The following SLC1A4 variants were observed in gnomAD, a reference collection of about 807,000 sequenced individuals.
SLC1A4 encodes neutral amino acid transporter A.
A neutral mutation model predicts 37.7 loss-of-function variants in SLC1A4; 19 were observed. That is an observed-to-expected ratio of 0.50 (90% confidence interval 0.35 to 0.74). SLC1A4 has a LOEUF of 0.74. Among genes scored for constraint, SLC1A4 ranks in the 30% least tolerant of loss-of-function variants. The pLI is 0.01. For synonymous variants in SLC1A4, 299 were observed against 309.8 expected (o/e 0.97, Z 0.37); for missense variants, 570 against 712.9 (o/e 0.80, Z 2.28).
intron 3 of SLC1A4, among the ~76,000 whole-genome samples, chr2:65,007,158 T>TA (rs1413377249): frequency 2.6e-5 from 4 of 152,206 alleles, no homozygotes; most frequent in Non-Finnish European, 5.9e-5. Flanking sequence ...GCCCTGCTCT[T>TA]ACAAAGCTCA....
At chr2:64,990,616 A>G (rs1293790499) in intron 1 of SLC1A4, among the ~76,000 whole-genome samples, 1 of 152,174 alleles carries the variant, frequency 6.6e-6, no homozygotes, top group Non-Finnish European at 1.5e-5. Context: ...CCGGCTTGCA[A>G]TCTATGGCCT....
At chr2:64,994,366 C>G (rs1044160499) in intron 1 of SLC1A4, among the ~76,000 whole-genome samples, 7 of 152,160 alleles carry the variant, frequency 4.6e-5, no homozygotes, top group Non-Finnish European at 7.4e-5. Flanking sequence ...AATGGAGAAC[C>G]AAGGTGTAAC....
At chr2:65,020,720 T>C (rs971536013) in intron 7 of SLC1A4, among the ~76,000 whole-genome samples, 192 bp from the exon 8 acceptor site, 17 of 152,236 alleles carry the variant, frequency 1.1e-4, no homozygotes, top group African/African-American at 4.1e-4. Context: ...TTTTTTATTC[T>C]TTCTATAAAA....
At chr2:65,008,915 C>G (rs1217718586) in intron 3 of SLC1A4, among the ~76,000 whole-genome samples, 1 of 152,224 alleles carries the variant, frequency 6.6e-6, no homozygotes. Flanking sequence ...CGTTAAGTAA[C>G]TTACCTAGAC....
Position 64,989,486 on chromosome 2 carries a change from T to C in SLC1A4, c.-158T>C. The C allele has an allele frequency of 1.7e-6, 1 of 575,032 alleles. No homozygotes were observed. Among genetic ancestry groups the C allele is most frequent in the Non-Finnish European group, 2.7e-6 (1 of 375,606 alleles). 35.6% of individuals were successfully genotyped at this position (575,032 alleles called of 1,614,324 possible). On this transcript the variant is annotated 5_prime_UTR_variant, in exon 1 of 8. Coordinates refer to ENST00000234256, the MANE Select transcript of SLC1A4 (RefSeq NM_003038.5). ...CCGCACTCTGCGCCTCTCCTCGCCT[T>C]TCTCGCACCTGCTCCTGCGCCAGGC...
chr2:65,005,986 G>A (rs984876506), intron 3 of SLC1A4, among the ~76,000 whole-genome samples: 1 of 152,148 alleles, frequency 6.6e-6, no homozygotes. Flanking sequence ...CTGGGCAACA[G>A]AGCAAAATTA....
At chr2:64,990,284 C>A in intron 1 of SLC1A4, 114 bp downstream of exon 1, 1 of 1,067,188 alleles carries the variant, frequency 9.4e-7, no homozygotes, top group Non-Finnish European at 1.3e-6. Flanking sequence ...TAGCTGGCTG[C>A]TGGTGGCGTT....
At position 65,018,893 on chromosome 2, in the gene SLC1A4, A is replaced by C. The variant is rs1674297169; in HGVS notation, c.1364+214A>C. Reference sequence around the variant, plus strand: ...CCAAACATCCAGGAATGACCATGAGATGTCATTACCAAGAACTTGCTTATA... The same window carrying C: ...CCAAACATCCAGGAATGACCATGAGCTGTCATTACCAAGAACTTGCTTATA... On this transcript the variant is annotated intron_variant, in intron 7 of 7. Transcript: ENST00000234256. This position sits in a 1 kb window ranked among gnomAD's most constrained non-coding sequence, Gnocchi z 4.3. Among the ~76,000 whole-genome samples the C allele has an allele frequency of 6.6e-6, 1 of 152,248 alleles. No individual in the cohort carries two copies. Among genetic ancestry groups the C allele is most frequent in the African/African-American group, 2.4e-5 (1 of 41,464 alleles).
intron 3 of SLC1A4, among the ~76,000 whole-genome samples, chr2:65,008,338 G>C (rs1473183142): frequency 6.6e-6 from 1 of 152,214 alleles, no homozygotes; most frequent in Non-Finnish European, 1.5e-5. Context: ...GGAGAGAGTA[G>C]TGACAGTCAG....
chr2:64,988,880 G>GA (rs1279971860), upstream of SLC1A4, among the ~76,000 whole-genome samples: 4 of 36 alleles, frequency 0.11, no homozygotes, highest in South Asian at 0.5. Context: ...CGGGCCGCGC[G>GA]GGGCGAAAGC....
intron 1 of SLC1A4, among the ~76,000 whole-genome samples, chr2:64,991,616 T>TG (rs34617398): frequency 2.0e-5 from 3 of 149,172 alleles, no homozygotes; most frequent in African/African-American, 4.9e-5. Flanking sequence ...TTTGTTTGTT[T>TG]TTTGAGACGG....
At chr2:65,014,823 TG>T (rs1218502702) in intron 4 of SLC1A4, among the ~76,000 whole-genome samples, 2 of 152,254 alleles carry the variant, frequency 1.3e-5, no homozygotes, top group African/African-American at 4.8e-5. Flanking sequence ...ACGATAAACC[TG>T]GGAACAACTT....
Position 65,018,033 on chromosome 2 carries a change from T to G in SLC1A4, c.1035-38T>G. ...AGACACATGTTAGCCTGCCTCGGAC[T>G]GTTGTCATGTCTGGCGGTTTGTTTT... On this transcript the variant is annotated intron_variant, in intron 5 of 7. Transcript: ENST00000234256. This position sits in a 1 kb window ranked among gnomAD's most constrained non-coding sequence, Gnocchi z 4.3. 6.3e-7 allele frequency: 1 copy of G among 1,586,426 alleles called. No homozygotes were observed. The highest frequency in any genetic ancestry group is 8.6e-7 in the Non-Finnish European group (1 of 1,157,462).
chr2:65,018,521 T>C lies in SLC1A4; in HGVS notation c.1230-24T>C, dbSNP rs1307531138. ...CCACTCCACGCTCTATGTTAATGGC[T>C]GGCCCTGCTCTGCCATCCCTTAGAG... On this transcript the variant is annotated intron_variant, in intron 6 of 7. Coordinates refer to ENST00000234256, the MANE Select transcript of SLC1A4 (RefSeq NM_003038.5). The surrounding 1 kb of genome is among the most constrained non-coding windows in gnomAD (Gnocchi z 4.3). 5 of 1,613,234 alleles carry C rather than the reference T, an allele frequency of 3.1e-6. No individual in the cohort carries two copies. Among genetic ancestry groups the C allele is most frequent in the Non-Finnish European group, 4.2e-6 (5 of 1,179,582 alleles).
At chr2:64,991,421 CTTT>C (rs3050297) in intron 1 of SLC1A4, among the ~76,000 whole-genome samples, 2,129 of 117,642 alleles carry the variant, frequency 0.018, 47 homozygotes, top group African/African-American at 0.057. Flanking sequence ...GGGATCACAG[CTTT>C]TTTTTTTTTT....
intron 1 of SLC1A4, chr2:65,000,433 A>C (rs1673415415): frequency 6.6e-6 from 1 of 152,258 alleles, no homozygotes; most frequent in Admixed American, 6.5e-5. Flanking sequence ...AACAAAAACA[A>C]TGTGTCTCAA....
chr2:65,002,280 AAAATAAAT>A (rs139658708), intron 2 of SLC1A4, among the ~76,000 whole-genome samples: 1 of 144,310 alleles, frequency 6.9e-6, no homozygotes. Context: ...ACTCTATCTC[AAAATAAAT>A]AAATAAATAA....
chr2:65,012,787 C>A (rs887521494), intron 4 of SLC1A4, among the ~76,000 whole-genome samples: 1 of 152,138 alleles, frequency 6.6e-6, no homozygotes, highest in Non-Finnish European at 1.5e-5. Flanking sequence ...GCCTGTAATC[C>A]CGGCACTTTG....
At position 65,023,734 on chromosome 2, in the gene SLC1A4, C is replaced by CTTGT. The variant is rs1674524334; in HGVS notation, c.*2588_*2589insTTGT. The CTTGT allele has an allele frequency of 6.6e-6, 1 of 152,650 alleles. No homozygotes were observed. Among genetic ancestry groups the CTTGT allele is most frequent in the African/African-American group, 2.4e-5 (1 of 41,456 alleles). The allele number at this position is 152,650 out of a possible 1,614,324, so 9.5% of individuals were successfully genotyped here. On this transcript the variant is annotated 3_prime_UTR_variant, in exon 8 of 8. Coordinates refer to ENST00000234256, the MANE Select transcript of SLC1A4 (RefSeq NM_003038.5). ...ACATCTCCTTGTCTGAAAACATTTC[C>CTTGT]CCTGCTGTTCTCTTTCTAACATGTT...
Sources: gnomAD v4.1 joint callset for allele counts (sites outside exome capture counted in the v4.1 genomes callset) on GRCh38, gnomAD v4.1.1 for gene constraint, Gnocchi (gnomAD v3.1) non-coding constraint, MANE v1.5 for transcripts, NCBI Gene and HGNC (gene_info 2026-07-23, HGNC 2026-07-21) for gene names.